The following SYT16 variants were observed in gnomAD, a reference collection of about 807,000 sequenced individuals.
SYT16 encodes synaptotagmin-16.
In SYT16, 42 loss-of-function variants were observed where a neutral mutation model predicts 61.4. The observed-to-expected ratio is 0.68, with a 90% CI of 0.53 to 0.89. The LOEUF is 0.89. Ranked by LOEUF, SYT16 falls within the 40% of genes least tolerant of loss-of-function variation. SYT16 has a pLI of 0.00. For missense variants in SYT16, 804 were observed against 807.3 expected (o/e 1.00, Z 0.05); for synonymous variants, 314 against 302.3 (o/e 1.04, Z -0.40).
At chr14:61,952,867 A>G (rs183659678) in intron 1 of SYT16, among the ~76,000 whole-genome samples, 33 of 152,324 alleles carry the variant, frequency 2.2e-4, no homozygotes, top group Admixed American at 2.2e-3. Flanking sequence ...ACTAGGAAGA[A>G]CATTTAAGTG....
At chr14:62,039,838 C>T (rs1203538927) in intron 3 of SYT16, among the ~76,000 whole-genome samples, 5 of 77,122 alleles carry the variant, frequency 6.5e-5, no homozygotes, top group Non-Finnish European at 1.0e-4. Flanking sequence ...TAAGCATACA[C>T]ACACACACAC....
intron 1 of SYT16, among the ~76,000 whole-genome samples, chr14:61,899,479 A>G (rs1366534713): frequency 1.3e-5 from 2 of 152,252 alleles, no homozygotes; most frequent in African/African-American, 4.8e-5. Flanking sequence ...ATCTGCCTAC[A>G]TTTGTTCTTA....
intron 3 of SYT16, among the ~76,000 whole-genome samples, chr14:62,012,888 C>T (rs2053524662): frequency 1.3e-5 from 2 of 152,152 alleles, no homozygotes; most frequent in African/African-American, 2.4e-5. Context: ...GGAATACAGA[C>T]TGCAGGGAAA....
At position 62,012,008 on chromosome 14, in the gene SYT16, AAAAC is replaced by A; in HGVS notation, c.523+15469_523+15472del. Among the ~76,000 whole-genome samples the A allele has an allele frequency of 1.7e-5, 2 of 117,466 alleles. 1 individual carries two copies. 77.1% of individuals were successfully genotyped at this position (117,466 alleles called of 152,430 possible). ...GGCTTTTCTCCTGCATGTTAAAAAA[AAAAC>A]AACCTCTCATGCACCTTTTTAGAAT... On this transcript the variant is annotated intron_variant, in intron 3 of 7. Transcript: ENST00000683842.
At chr14:61,905,788 C>T (rs1019969736) in intron 1 of SYT16, among the ~76,000 whole-genome samples, 5 of 149,802 alleles carry the variant, frequency 3.3e-5, no homozygotes, top group Non-Finnish European at 5.9e-5. Flanking sequence ...GGATAAATCT[C>T]GCTCTGTTGC....
chr14:61,899,101 T>C (rs1418923271), intron 1 of SYT16, among the ~76,000 whole-genome samples: 1 of 152,252 alleles, frequency 6.6e-6, no homozygotes, highest in Non-Finnish European at 1.5e-5. Flanking sequence ...ATGATTTTCA[T>C]GTATTTTCAC....
chr14:62,050,272 G>A (rs1262668265), intron 3 of SYT16, among the ~76,000 whole-genome samples: 1 of 152,144 alleles, frequency 6.6e-6, no homozygotes, highest in Admixed American at 6.5e-5. Context: ...ATCAGCTGCT[G>A]AGGCTTGTGC....
intron 3 of SYT16, among the ~76,000 whole-genome samples, chr14:62,064,357 A>AG (rs1487876179): frequency 6.6e-6 from 1 of 150,562 alleles, no homozygotes; most frequent in Non-Finnish European, 1.5e-5. Flanking sequence ...AAAAAAAAAA[A>AG]AGAAAACACT....
intron 1 of SYT16, among the ~76,000 whole-genome samples, chr14:61,866,641 G>A (rs917453522): frequency 6.6e-6 from 1 of 151,938 alleles, no homozygotes; most frequent in Non-Finnish European, 1.5e-5. Flanking sequence ...CATTATGAGG[G>A]TTCTTTAGTG....
At chr14:62,036,253 A>C (rs1566784353) in intron 3 of SYT16, among the ~76,000 whole-genome samples, 1 of 152,160 alleles carries the variant, frequency 6.6e-6, no homozygotes, top group Non-Finnish European at 1.5e-5. Flanking sequence ...ATGGGAGCAG[A>C]GACATCCTGG....
intron 1 of SYT16, among the ~76,000 whole-genome samples, chr14:61,943,804 TC>T (rs2050309084): frequency 6.6e-6 from 1 of 152,166 alleles, no homozygotes; most frequent in Non-Finnish European, 1.5e-5. Flanking sequence ...GTGGAAGCAT[TC>T]CCTTTGAAAA....
Position 61,955,539 on chromosome 14 carries a change from C to T in SYT16, c.-324-14593C>T, listed in dbSNP as rs887918954. Among the ~76,000 whole-genome samples the T allele has an allele frequency of 7.3e-5, 11 of 151,722 alleles. 1 individual carries two copies. The highest frequency in any genetic ancestry group is 8.8e-5 in the Non-Finnish European group (6 of 67,854). ...TTGCGTATATGAGATCATGTGGTAC[C>T]GTATTTATCTTTCTCTGTGTGTCTT... On this transcript the variant is annotated intron_variant, in intron 1 of 7. Coordinates refer to ENST00000683842, the MANE Select transcript of SYT16 (RefSeq NM_001367656.1).
At chr14:62,032,731 A>G (rs2054356471) in intron 3 of SYT16, among the ~76,000 whole-genome samples, 1 of 151,968 alleles carries the variant, frequency 6.6e-6, no homozygotes, top group Non-Finnish European at 1.5e-5. Flanking sequence ...AAAAAAATTA[A>G]GGTAAATTTA....
rs117184895 is a variant in SYT16, at chr14:61,976,920, G to T, written c.-145+6609G>T. On this transcript the variant is annotated intron_variant, in intron 2 of 7. Coordinates refer to ENST00000683842, the MANE Select transcript of SYT16 (RefSeq NM_001367656.1). Reference sequence around the variant, plus strand: ...CAGGATGCACATTTTCCAAGCTCATGCTCTGCTTTCCTTTTAAACATAAGT... The same window carrying T: ...CAGGATGCACATTTTCCAAGCTCATTCTCTGCTTTCCTTTTAAACATAAGT... 1.8e-3 allele frequency among the ~76,000 whole-genome samples: 280 copies of T among 151,534 alleles called. 12 individuals are homozygous for T. In the East Asian group the frequency reaches 0.052, roughly 28 times the overall value.
intron 5 of SYT16, among the ~76,000 whole-genome samples, chr14:62,078,741 C>A (rs544462463): frequency 1.3e-5 from 2 of 152,334 alleles, no homozygotes; most frequent in South Asian, 4.1e-4. Flanking sequence ...AAAAAGTAGA[C>A]TTCACATATA....
intron 1 of SYT16, among the ~76,000 whole-genome samples, chr14:61,936,468 G>A (rs2049985295): frequency 6.6e-6 from 1 of 152,006 alleles, no homozygotes; most frequent in Non-Finnish European, 1.5e-5. Flanking sequence ...CCACAAGGCG[G>A]CTAATGAGTT....
chr14:61,848,634 A>T (rs2046516027), intron 1 of SYT16, among the ~76,000 whole-genome samples: 1 of 152,166 alleles, frequency 6.6e-6, no homozygotes, highest in South Asian at 2.1e-4. Flanking sequence ...TAGTGAAACC[A>T]GCTAAACTTG....
At chr14:62,072,061 G>A (rs1207825588) in intron 4 of SYT16, among the ~76,000 whole-genome samples, 1 of 152,178 alleles carries the variant, frequency 6.6e-6, no homozygotes, top group African/African-American at 2.4e-5. Flanking sequence ...TAAGTGGTCT[G>A]GATTGGAGGC....
At chr14:61,919,485 G>T (rs547630631) in intron 1 of SYT16, among the ~76,000 whole-genome samples, 1 of 152,350 alleles carries the variant, frequency 6.6e-6, no homozygotes, top group African/African-American at 2.4e-5. Flanking sequence ...CTCTAGGAGA[G>T]AATCAGTTTT....
Sources: allele counts gnomAD v4.1 joint callset (sites outside exome capture counted in the v4.1 genomes callset), GRCh38; gene constraint gnomAD v4.1.1; transcripts MANE v1.5; gene names NCBI Gene and HGNC (gene_info 2026-07-23, HGNC 2026-07-21).